The following UNC79 variants were observed in gnomAD, a reference collection of about 807,000 sequenced individuals.
UNC79 encodes unc-79 subunit of NALCN channel complex.
A neutral mutation model predicts 283.1 loss-of-function variants in UNC79; 37 were observed. The observed-to-expected ratio is 0.13, with a 90% CI of 0.10 to 0.17. The LOEUF (loss-of-function observed/expected upper bound fraction) is 0.17, where lower values mean the gene tolerates loss of function less well. Ranked by LOEUF, UNC79 falls within the 10% of genes least tolerant of loss-of-function variation. UNC79 has a pLI of 1.00. For missense variants in UNC79, 2,272 were observed against 3,211.1 expected (o/e 0.71, Z 7.07); for synonymous variants, 1,107 against 1,200.2 (o/e 0.92, Z 1.61).
At chr14:93,654,867 G>A (rs1031410331) in intron 37 of UNC79, among the ~76,000 whole-genome samples, 5 of 152,094 alleles carry the variant, frequency 3.3e-5, no homozygotes, top group African/African-American at 9.7e-5. Context: ...GTTTGCTTGC[G>A]GGAGATGCTC....
At chr14:93,580,237 C>G (rs1160272376) in exon 19 of UNC79, 3 of 1,614,044 alleles carry the variant, frequency 1.9e-6, no homozygotes, top group Non-Finnish European at 1.7e-6. Flanking sequence ...GTCTTCCAAG[C>G]CCCCTGGGGG....
intron 30 of UNC79, 76 bp from the exon 33 acceptor site, chr14:93,630,725 G>C (rs1320135973): frequency 6.1e-6 from 7 of 1,152,086 alleles, no homozygotes; most frequent in Non-Finnish European, 9.0e-6. Flanking sequence ...TAGACAAGAG[G>C]TAAAAGATAT....
At chr14:93,549,113 G>A (rs895864131) in intron 14 of UNC79, among the ~76,000 whole-genome samples, 1 of 152,188 alleles carries the variant, frequency 6.6e-6, no homozygotes, top group Admixed American at 6.5e-5. Context: ...AGCAATTAAT[G>A]TGTTAATATT....
chr14:93,466,666 G>C (rs529316055), intron 1 of UNC79, among the ~76,000 whole-genome samples: 1 of 152,306 alleles, frequency 6.6e-6, no homozygotes, highest in East Asian at 1.9e-4. Context: ...GCTTCTCCAG[G>C]ACTTGATATG....
At chr14:93,651,707 TTAC>T (rs1265077650) in intron 35 of UNC79, among the ~76,000 whole-genome samples, 2 of 152,062 alleles carry the variant, frequency 1.3e-5, no homozygotes, top group East Asian at 3.9e-4. Context: ...AGCAAGAGTT[TTAC>T]TACTTCCTTT....
At chr14:93,427,191 C>T (rs1324317904), upstream of UNC79, among the ~76,000 whole-genome samples, 1 of 152,188 alleles carries the variant, frequency 6.6e-6, no homozygotes, top group African/African-American at 2.4e-5. Context: ...GTGGCTCTCT[C>T]TTTCTCACAG....
chr14:93,553,131 T>A (rs752268647), intron 14 of UNC79, among the ~76,000 whole-genome samples: 20 of 152,230 alleles, frequency 1.3e-4, no homozygotes, highest in Non-Finnish European at 2.6e-4. Flanking sequence ...AAGTTAAGAA[T>A]ACTCACATAT....
At chr14:93,557,054 C>T (rs1191317762) in intron 14 of UNC79, among the ~76,000 whole-genome samples, 1 of 152,200 alleles carries the variant, frequency 6.6e-6, no homozygotes, top group East Asian at 1.9e-4. Flanking sequence ...TTATTGAAAG[C>T]TACTCCATTA....
In UNC79 at chr14:93,621,862, C is replaced by T. The variant is rs761715234; in HGVS notation, c.4629C>T (p.Asn1543=). The T allele has an allele frequency of 4.3e-6, 7 of 1,613,888 alleles. No individual in the cohort carries two copies. The highest frequency in any genetic ancestry group is 4.0e-5 in the African/African-American group (3 of 74,876). Residue 1543 remains asparagine (N), a synonymous_variant, in exon 30 of 49, where the codon AAC becomes AAT. Transcript: ENST00000555664. This position sits in a 1 kb window ranked among gnomAD's most constrained non-coding sequence, Gnocchi z 4.8. ...CTGCGTATATCGCACAAAGACCAAA[C>T]GACCCTGGACGTTCTAGACAGAACT...
At chr14:93,376,797 AGTTT>A (rs1259802736) in intron 1 of UNC79, among the ~76,000 whole-genome samples, 1 of 151,358 alleles carries the variant, frequency 6.6e-6, no homozygotes, top group Non-Finnish European at 1.5e-5. Context: ...GTTGGAATTC[AGTTT>A]GTTTGTATAC....
At chr14:93,360,704 T>C (rs1270174090) in intron 1 of UNC79, among the ~76,000 whole-genome samples, 1 of 152,224 alleles carries the variant, frequency 6.6e-6, no homozygotes, top group South Asian at 2.1e-4. Flanking sequence ...GTCCATTACA[T>C]TGATGACATT....
intron 11 of UNC79, among the ~76,000 whole-genome samples, chr14:93,536,380 CTT>C: frequency 6.6e-6 from 1 of 152,168 alleles, no homozygotes; most frequent in East Asian, 1.9e-4. Flanking sequence ...GAGCTGGTCT[CTT>C]TGGCTCTAGG....
intron 1 of UNC79, among the ~76,000 whole-genome samples, chr14:93,455,997 G>T (rs185759771): frequency 2.0e-5 from 3 of 151,830 alleles, no homozygotes; most frequent in African/African-American, 7.3e-5. Flanking sequence ...GAGGGTTCAG[G>T]TGACTCTTGT....
chr14:93,445,330 CT>C (rs1156460320), intron 1 of UNC79, among the ~76,000 whole-genome samples: 1 of 152,170 alleles, frequency 6.6e-6, no homozygotes, highest in Non-Finnish European at 1.5e-5. Flanking sequence ...TGGCTAGGAC[CT>C]TCAGAACAAT....
intron 14 of UNC79, among the ~76,000 whole-genome samples, chr14:93,558,371 AC>A (rs1018366059): frequency 1.3e-5 from 2 of 152,078 alleles, no homozygotes; most frequent in Admixed American, 6.6e-5. Flanking sequence ...CCTGGCTAAC[AC>A]GGTGAAACCC....
intron 22 of UNC79, among the ~76,000 whole-genome samples, chr14:93,588,515 C>T (rs900353630): frequency 2.6e-4 from 39 of 152,034 alleles, no homozygotes; most frequent in African/African-American, 7.7e-4. Context: ...CCGAGGCCGG[C>T]GGATCACGAG....
chr14:93,342,078 C>T (rs1030631238), intron 1 of UNC79, among the ~76,000 whole-genome samples: 2 of 152,174 alleles, frequency 1.3e-5, no homozygotes, highest in African/African-American at 4.8e-5. Flanking sequence ...CTAGGCAGTG[C>T]TGTAGTAGAG....
intron 47 of UNC79, among the ~76,000 whole-genome samples, chr14:93,701,797 C>A (rs1444346205): frequency 6.6e-6 from 1 of 152,164 alleles, no homozygotes; most frequent in African/African-American, 2.4e-5. Context: ...AGGTCCCTTG[C>A]AGGTATATTT....
At chr14:93,610,098 A>G (rs1353635654) in intron 26 of UNC79, among the ~76,000 whole-genome samples, 1 of 152,230 alleles carries the variant, frequency 6.6e-6, no homozygotes, top group South Asian at 2.1e-4. Flanking sequence ...TCAGGGTTGC[A>G]CATTGTTTAG....
Sources: gnomAD v4.1 joint callset for allele counts (sites outside exome capture counted in the v4.1 genomes callset) on GRCh38, gnomAD v4.1.1 for gene constraint, Gnocchi (gnomAD v3.1) non-coding constraint, MANE v1.5 for transcripts, NCBI Gene and HGNC (gene_info 2026-07-23, HGNC 2026-07-21) for gene names.